Variants in CSMD1 observed in about 807,000 individuals in gnomAD.
The protein encoded by CSMD1 is CUB and sushi domain-containing protein 1.
In CSMD1, 213 loss-of-function variants were observed where a neutral mutation model predicts 417.5. The observed-to-expected ratio is 0.51, with a 90% CI of 0.46 to 0.57. CSMD1 has a LOEUF of 0.57. CSMD1 is among the 20% of genes least tolerant of loss of function. The pLI, the probability that CSMD1 is intolerant of heterozygous loss-of-function variation, is 0.00. For synonymous variants in CSMD1, 2,862 were observed against 1,736.8 expected, an observed-to-expected ratio of 1.65 and a Z score of -16.11; for missense variants, 6,923 against 4,529.7, an observed-to-expected ratio of 1.53 and a Z score of -15.17.
intron 3 of CSMD1, among the ~76,000 whole-genome samples, chr8:4,049,251 C>G (rs1341772028): frequency 6.6e-6 from 1 of 151,988 alleles, no homozygotes; most frequent in Admixed American, 6.6e-5. Context: ...ACATCACTGG[C>G]ATTTTGTATG....
At chr8:4,136,173 G>T (rs139569231) in intron 3 of CSMD1, among the ~76,000 whole-genome samples, 1 of 152,224 alleles carries the variant, frequency 6.6e-6, no homozygotes, top group South Asian at 2.1e-4. Flanking sequence ...GAAAAGATAC[G>T]ATATACACAA....
intron 38 of CSMD1, 144 bp from the exon 39 acceptor site, chr8:3,158,110 G>T: frequency 1.5e-6 from 1 of 679,064 alleles, no homozygotes; most frequent in Non-Finnish European, 2.5e-6. Flanking sequence ...TCTGTTTTTA[G>T]TAATGATTAT....
In CSMD1 at chr8:3,029,331, G is replaced by A. The variant is rs1810174923; in HGVS notation, c.7843C>T (p.Pro2615Ser). Residue 2615 changes from proline (P) to serine (S), a missense_variant, in exon 51 of 70, where the codon CCA (proline) becomes TCA (serine). Transcript: ENST00000635120. ...CCTCATCACTTACCTCGACAGCTTG[G>A]CCTCTCATCTCCTATGTTCCACGTC... ...NGTWNIGDERPSCRVISCGSL... is the reference protein window; with the variant it reads ...NGTWNIGDERSSCRVISCGSL... 6.2e-6 allele frequency: 10 copies of A among 1,604,514 alleles called. No individual in the cohort carries two copies. The highest frequency in any genetic ancestry group is 8.5e-6 in the Non-Finnish European group (10 of 1,176,200).
intron 4 of CSMD1, among the ~76,000 whole-genome samples, chr8:4,011,948 T>C (rs1477938786): frequency 6.6e-6 from 1 of 151,928 alleles, no homozygotes; most frequent in African/African-American, 2.4e-5. Flanking sequence ...TTAAATCATC[T>C]CTCCATTATT....
At chr8:4,527,221 G>A (rs1268431010) in intron 2 of CSMD1, among the ~76,000 whole-genome samples, 2 of 152,062 alleles carry the variant, frequency 1.3e-5, no homozygotes, top group Non-Finnish European at 2.9e-5. Flanking sequence ...TTGGCCAGTT[G>A]GGTTGCTGTA....
At chr8:4,243,674 A>C (rs1359298127) in intron 3 of CSMD1, among the ~76,000 whole-genome samples, 1 of 152,154 alleles carries the variant, frequency 6.6e-6, no homozygotes, top group Non-Finnish European at 1.5e-5. Flanking sequence ...ATTGCAACTT[A>C]ATTTTTGATT....
chr8:3,620,467 T>C (rs1306692570), intron 7 of CSMD1, among the ~76,000 whole-genome samples: 1 of 152,166 alleles, frequency 6.6e-6, no homozygotes, highest in Non-Finnish European at 1.5e-5. Context: ...TAATTATGCA[T>C]TTACGCTAAT....
intron 5 of CSMD1, among the ~76,000 whole-genome samples, chr8:3,947,898 A>G (rs1811342994): frequency 6.6e-6 from 1 of 152,104 alleles, no homozygotes; most frequent in South Asian, 2.1e-4. Flanking sequence ...TATTAGTTAA[A>G]AGTCCTGTTA....
chr8:3,020,124 C>A (rs188176181), intron 51 of CSMD1, among the ~76,000 whole-genome samples: 8 of 152,306 alleles, frequency 5.3e-5, no homozygotes, highest in Non-Finnish European at 8.8e-5. Context: ...AGCCAGGCAG[C>A]ACTTGCCAAT....
At chr8:3,397,536 C>T (rs1378881713) in intron 16 of CSMD1, among the ~76,000 whole-genome samples, 1 of 152,174 alleles carries the variant, frequency 6.6e-6, no homozygotes, top group African/African-American at 2.4e-5. Context: ...ACATCTGGAC[C>T]AGAATAAGGC....
chr8:4,567,855 A>G (rs1798688941), intron 2 of CSMD1, among the ~76,000 whole-genome samples: 1 of 152,216 alleles, frequency 6.6e-6, no homozygotes, highest in African/African-American at 2.4e-5. Context: ...CAGACTCTAC[A>G]TAAGCATGCT....
At chr8:4,452,862 T>C (rs945211350) in intron 2 of CSMD1, among the ~76,000 whole-genome samples, 11 of 152,150 alleles carry the variant, frequency 7.2e-5, no homozygotes, top group African/African-American at 2.4e-4. Flanking sequence ...GAAGGTGATA[T>C]AGGAAGGCCG....
At chr8:3,752,062 C>T (rs1797369339) in intron 6 of CSMD1, among the ~76,000 whole-genome samples, 1 of 152,134 alleles carries the variant, frequency 6.6e-6, no homozygotes. Flanking sequence ...GAGTCTTCCT[C>T]ATTCAAACCC....
At chr8:4,482,980 G>C (rs935514806) in intron 2 of CSMD1, among the ~76,000 whole-genome samples, 3 of 152,152 alleles carry the variant, frequency 2.0e-5, no homozygotes, top group Non-Finnish European at 4.4e-5. Context: ...GAGTAATGGA[G>C]TTAGGTAGTA....
chr8:4,739,412 T>C (rs1810455736), intron 1 of CSMD1, among the ~76,000 whole-genome samples: 1 of 152,234 alleles, frequency 6.6e-6, no homozygotes, highest in South Asian at 2.1e-4. Context: ...TTATATCTGA[T>C]ACCTCCCAAC....
At chr8:4,890,177 G>C (rs191560844) in intron 1 of CSMD1, among the ~76,000 whole-genome samples, 17 of 152,212 alleles carry the variant, frequency 1.1e-4, no homozygotes, top group Admixed American at 7.2e-4. Flanking sequence ...ATAATTTCTA[G>C]TCATTTTAGT....
chr8:4,822,907 C>G (rs1198638883), intron 1 of CSMD1, among the ~76,000 whole-genome samples: 1 of 152,062 alleles, frequency 6.6e-6, no homozygotes, highest in Non-Finnish European at 1.5e-5. Flanking sequence ...GCACTGTGTA[C>G]TTTCTGTGAC....
intron 12 of CSMD1, among the ~76,000 whole-genome samples, chr8:3,438,767 A>G (rs777409009): frequency 1.6e-4 from 24 of 152,096 alleles, no homozygotes; most frequent in Non-Finnish European, 2.8e-4. Context: ...TCTCTGAGAT[A>G]AATGATTGGA....
chr8:4,640,328 A>G (rs1226943941), intron 1 of CSMD1, among the ~76,000 whole-genome samples: 5 of 152,346 alleles, frequency 3.3e-5, no homozygotes, highest in Admixed American at 2.0e-4. Context: ...TAAAGTATCT[A>G]TGCCTAAGAT....
Sources: allele counts gnomAD v4.1 joint callset (sites outside exome capture counted in the v4.1 genomes callset), GRCh38; gene constraint gnomAD v4.1.1; transcripts MANE v1.5; gene names NCBI Gene and HGNC (gene_info 2026-07-23, HGNC 2026-07-21).